MIA2: variants seen among roughly 807,000 people sequenced by gnomAD.
MIA2 encodes MIA SH3 domain ER export factor 2.
MIA2 carries 127 observed loss-of-function variants against 167.8 expected under a neutral mutation model. The ratio of observed to expected loss-of-function variants is 0.76; its 90% confidence interval spans 0.66 to 0.88. The LOEUF (loss-of-function observed/expected upper bound fraction) is 0.88. Among genes scored for constraint, MIA2 ranks in the 40% least tolerant of loss-of-function variants. The pLI, the probability that MIA2 is intolerant of heterozygous loss-of-function variation, is 0.00. For synonymous variants in MIA2, 552 were observed against 541.9 expected (o/e 1.02, Z -0.26); for missense variants, 1,690 against 1,624.7 (o/e 1.04, Z -0.69).
rs78638185 is a variant in MIA2 at position 39,285,670 on chromosome 14, C to A, written c.2131-5349C>A. On this transcript the variant is annotated intron_variant, in intron 9 of 28. Coordinates refer to ENST00000640607, the MANE Select transcript of MIA2 (RefSeq NM_001329214.4). The stretch of plus-strand genomic sequence containing the variant: ...GCTGGCCGGGCTGGGGCTGACCCCC[C>A]ACCTCCCTCCCGGTCGGGGTGGCTG... 7.6e-3 allele frequency among the ~76,000 whole-genome samples: 573 copies of A among 75,730 alleles called. 5 individuals carry two copies. The highest frequency in any genetic ancestry group is 0.016 in the South Asian group (28 of 1,700). 49.7% of individuals were successfully genotyped at this position (75,730 alleles called of 152,430 possible). A position where few individuals can be genotyped will look rare whatever the true frequency, so the allele number is the denominator to read the frequency against.
chr14:39,266,606 C>T, intron 6 of MIA2: 1 of 985,516 alleles, frequency 1.0e-6, no homozygotes, highest in Non-Finnish European at 1.2e-6. Context: ...AGCCGGGACG[C>T]CTTCCTGTCT....
chr14:39,245,029 C>T (rs538278029), intron 3 of MIA2, among the ~76,000 whole-genome samples: 44 of 151,424 alleles, frequency 2.9e-4, no homozygotes, highest in African/African-American at 1.0e-3. Context: ...CTGCCCACCT[C>T]AGCCTCCCCA....
intron 17 of MIA2, among the ~76,000 whole-genome samples, chr14:39,306,808 T>C (rs2063408924): frequency 1.3e-5 from 2 of 152,150 alleles, no homozygotes; most frequent in African/African-American, 4.8e-5. Context: ...TTAGAGGAGT[T>C]GAGGTTATTA....
chr14:39,287,486 G>A (rs1566741628), intron 9 of MIA2, among the ~76,000 whole-genome samples: 1 of 151,392 alleles, frequency 6.6e-6, no homozygotes. Flanking sequence ...TTTGCTGTAA[G>A]TTTTTCATAA....
At chr14:39,283,969 T>C (rs2059292640) in intron 9 of MIA2, among the ~76,000 whole-genome samples, 1 of 152,172 alleles carries the variant, frequency 6.6e-6, no homozygotes, top group African/African-American at 2.4e-5. Flanking sequence ...TACTTGTGTA[T>C]ATTTTTATTT....
intron 6 of MIA2, among the ~76,000 whole-genome samples, chr14:39,272,677 A>G (rs961920935): frequency 2.6e-5 from 4 of 152,072 alleles, no homozygotes; most frequent in African/African-American, 9.7e-5. Context: ...TGGGAGGATC[A>G]TCTGAGCCTG....
intron 9 of MIA2, among the ~76,000 whole-genome samples, chr14:39,288,453 A>ATTTTTTTTTT (rs1566747188): frequency 7.2e-5 from 1 of 13,808 alleles, no homozygotes; most frequent in Non-Finnish European, 1.7e-4. Flanking sequence ...ATATATATAT[A>ATTTTTTTTTT]TATATATATA....
intron 23 of MIA2, among the ~76,000 whole-genome samples, chr14:39,366,918 A>G (rs1354118183): frequency 6.6e-6 from 1 of 152,168 alleles, no homozygotes; most frequent in Non-Finnish European, 1.5e-5. Flanking sequence ...AACAGCAGAA[A>G]TAGTTCTCAG....
chr14:39,311,991 G>A (rs1386286410), intron 18 of MIA2, among the ~76,000 whole-genome samples: 1 of 148,858 alleles, frequency 6.7e-6, no homozygotes, highest in Non-Finnish European at 1.5e-5. Context: ...CACCATGCCT[G>A]CCTAATTTTT....
intron 23 of MIA2, among the ~76,000 whole-genome samples, chr14:39,379,153 TG>T (rs757941421): frequency 4.0e-5 from 6 of 151,766 alleles, no homozygotes; most frequent in African/African-American, 1.4e-4. Context: ...TTTTTTTTTT[TG>T]GTTAAAAAGT....
Position 39,350,158 on chromosome 14 carries a change from T to TC in MIA2, c.4139dup (p.Pro1381ThrfsTer5). Reference sequence around the variant, plus strand: ...TACCTTCCCCCAAGACCTGGATTTTTCCCCCCACCCCCACATTCTGAAGGT... The same window carrying TC: ...TACCTTCCCCCAAGACCTGGATTTTTCCCCCCCACCCCCACATTCTGAAGGT... On this transcript the variant is annotated frameshift_variant, in exon 29 of 29. Transcript: ENST00000640607. LOFTEE classifies it high-confidence loss of function. 8 of 1,411,090 alleles carry TC rather than the reference T, an allele frequency of 5.7e-6. No homozygotes were observed. Among genetic ancestry groups the TC allele is most frequent in the Non-Finnish European group, 7.8e-6 (8 of 1,031,250 alleles). 87.4% of individuals were successfully genotyped at this position (1,411,090 alleles called of 1,614,324 possible).
intron 6 of MIA2, among the ~76,000 whole-genome samples, chr14:39,275,139 T>TTGTGTGTGTGTGTGTGTGTGTG (rs67380839): frequency 0.063 from 8,017 of 126,530 alleles, 402 homozygotes; most frequent in Middle Eastern, 0.088. Flanking sequence ...CCTTAATCCT[T>TTGTGTGTGTGTGTGTGTGTGTG]TGTGTGTGTG....
intron 13 of MIA2, among the ~76,000 whole-genome samples, chr14:39,298,265 T>G (rs79594042): frequency 6.6e-4 from 100 of 151,842 alleles, no homozygotes; most frequent in African/African-American, 2.3e-3. Flanking sequence ...ACTGATGCCA[T>G]GTTCTAATGC....
chr14:39,326,978 C>T lies in MIA2; in HGVS notation c.3611C>T (p.Ser1204Leu). Residue 1204 changes from serine (S) to leucine (L), a missense_variant, in exon 25 of 29, where the codon TCA (serine) becomes TTA (leucine). Coordinates refer to ENST00000640607, the MANE Select transcript of MIA2 (RefSeq NM_001329214.4). ...GCTCCCTCTGACACTGGGTCTCTGTCACCTCCATGGGACCAGGACCGTAGG... is the reference window on the plus strand; with the variant it reads ...GCTCCCTCTGACACTGGGTCTCTGTTACCTCCATGGGACCAGGACCGTAGG... Reference protein sequence around the residue: ...HRAPSDTGSLSPPWDQDRRMM... With the variant: ...HRAPSDTGSLLPPWDQDRRMM... 6.3e-7 allele frequency: 1 copy of T among 1,578,206 alleles called. No individual in the cohort carries two copies. The highest frequency in any genetic ancestry group is 8.6e-7 in the Non-Finnish European group (1 of 1,165,284).
chr14:39,279,519 T>C lies in MIA2; in HGVS notation c.2112T>C (p.Phe704=). 1 of 1,605,348 alleles carries C rather than the reference T, an allele frequency of 6.2e-7. No individual in the cohort carries two copies. The highest frequency in any genetic ancestry group is 8.5e-7 in the Non-Finnish European group (1 of 1,176,776). Residue 704 remains phenylalanine, a synonymous_variant, in exon 9 of 29, where the codon TTT becomes TTC. Transcript: ENST00000640607. The part of the protein sequence containing the change: ...IEEKSKLLEK[F]SLVQKEYEGY... ...AAAAAAGTAAACTACTTGAAAAATT[T>C]AGCCTTGTTCAAAAAGAGGTAAGAT...
At chr14:39,360,569 G>C (rs1302887686) in intron 23 of MIA2, among the ~76,000 whole-genome samples, 1 of 151,776 alleles carries the variant, frequency 6.6e-6, no homozygotes, top group Admixed American at 6.6e-5. Flanking sequence ...TGAATGAATA[G>C]TTTGCATATA....
At chr14:39,313,507 G>T in intron 19 of MIA2, 66 bp downstream of exon 19, 1 of 830,792 alleles carries the variant, frequency 1.2e-6, no homozygotes, top group Non-Finnish European at 1.9e-6. Context: ...CTTAATGCCA[G>T]AAAAATAATA....
chr14:39,299,068 T>TAAAAAAAAAAAAAAAA (rs3065043), intron 13 of MIA2, among the ~76,000 whole-genome samples: 1 of 44,002 alleles, frequency 2.3e-5, no homozygotes, highest in East Asian at 9.8e-4. Flanking sequence ...TCCCTGCCTC[T>TAAAAAAAAAAAAAAAA]AAAAAAAAAA....
chr14:39,265,684 C>T, intron 6 of MIA2: 1 of 344,220 alleles, frequency 2.9e-6, no homozygotes, highest in Non-Finnish European at 5.2e-6. Context: ...GAAAATTATT[C>T]TGGAGTCTTC....
Sources: gnomAD v4.1 joint callset for allele counts (sites outside exome capture counted in the v4.1 genomes callset) on GRCh38, gnomAD v4.1.1 for gene constraint, MANE v1.5 for transcripts, NCBI Gene and HGNC (gene_info 2026-07-23, HGNC 2026-07-21) for gene names.